Variants in ACSM5 observed in about 807,000 individuals in gnomAD.
ACSM5 encodes the protein acyl-CoA synthetase medium chain family member 5, also known as acyl-coenzyme A synthetase ACSM5, mitochondrial.
ACSM5 carries 56 observed loss-of-function variants against 71.6 expected under a neutral mutation model. That is an observed-to-expected ratio of 0.78 (90% CI 0.63 to 0.98). ACSM5 has a LOEUF of 0.98. Ranked by LOEUF, ACSM5 falls within the 50% of genes least tolerant of loss-of-function variation. ACSM5 has a pLI of 0.00. For synonymous variants in ACSM5, 285 were observed against 281.5 expected, an observed-to-expected ratio of 1.01 and a Z score of -0.12; for missense variants, 723 against 726.0, an observed-to-expected ratio of 1.00 and a Z score of 0.05.
intron 13 of ACSM5, 33 bp from the exon 14 acceptor site, chr16:20,440,311 C>G: frequency 1.5e-6 from 2 of 1,331,646 alleles, no homozygotes; most frequent in East Asian, 2.3e-5. Flanking sequence ...ATGATGATTT[C>G]CAAGTGTTTT....
At chr16:20,435,966 T>C (rs72776695) in intron 10 of ACSM5, among the ~76,000 whole-genome samples, 12,723 of 149,984 alleles carry the variant, frequency 0.085, 661 homozygotes, top group East Asian at 0.19. Context: ...TTTCCTTCTT[T>C]CTTCCTTCCT....
intron 6 of ACSM5, among the ~76,000 whole-genome samples, chr16:20,426,074 G>A (rs1227385749): frequency 6.6e-6 from 1 of 152,150 alleles, no homozygotes; most frequent in Non-Finnish European, 1.5e-5. Flanking sequence ...CTTGTTCACT[G>A]CATCCATGCC....
chr16:20,413,673 C>A (rs1465292042), intron 2 of ACSM5, among the ~76,000 whole-genome samples: 1 of 152,204 alleles, frequency 6.6e-6, no homozygotes, highest in Non-Finnish European at 1.5e-5. Flanking sequence ...GAAATCAACA[C>A]ACCTAAGTAA....
At chr16:20,427,328 A>G (rs924259632) in intron 6 of ACSM5, among the ~76,000 whole-genome samples, 16 of 151,672 alleles carry the variant, frequency 1.1e-4, no homozygotes, top group African/African-American at 3.1e-4. Context: ...CAAAACAAAA[A>G]CCTCACTGGT....
Position 20,440,479 on chromosome 16 carries a change from A to G in ACSM5, c.*52A>G. On this transcript the variant is annotated 3_prime_UTR_variant, in exon 14 of 14. Transcript: ENST00000331849. ...CCTCCGAAGACTCCACAAGAAACTA[A>G]TGGATCACTGGTCAGTCCCCATGGG... The G allele has an allele frequency of 6.7e-7, 1 of 1,488,538 alleles. No homozygotes were observed. The highest frequency in any genetic ancestry group is 9.4e-7 in the Non-Finnish European group (1 of 1,065,298). 92.2% of individuals were successfully genotyped at this position (1,488,538 alleles called of 1,614,324 possible).
chr16:20,412,348 A>G (rs1567338826), intron 2 of ACSM5: 4 of 152,272 alleles, frequency 2.6e-5, no homozygotes, highest in Non-Finnish European at 5.9e-5. Flanking sequence ...GTGAGACTCC[A>G]CCTCAAAAAA....
At chr16:20,412,096 A>T in intron 2 of ACSM5, 1 of 198,750 alleles carries the variant, frequency 5.0e-6, no homozygotes. Flanking sequence ...CCATAATCCC[A>T]GCACTTTGGG....
At position 20,409,578 on chromosome 16, in the gene ACSM5, A is replaced by C. The variant is rs1324152813; in HGVS notation, c.-103A>C. 1 of 152,248 alleles carries C rather than the reference A, an allele frequency of 6.6e-6. No individual in the cohort carries two copies. The highest frequency in any genetic ancestry group is 1.5e-5 in the Non-Finnish European group (1 of 68,124). 9.4% of individuals were successfully genotyped at this position (152,248 alleles called of 1,614,324 possible). On this transcript the variant is annotated 5_prime_UTR_variant, in exon 1 of 14. Transcript: ENST00000331849. ...CCTGTGGGAGGCTGTTTTCTGAGGG[A>C]GCTGAGTGTTTACAGCCACTCAGCC...
rs1966929198 is a variant in ACSM5 at position 20,424,021 on chromosome 16, C to T, written c.873C>T (p.Cys291=). 1 of 1,614,144 alleles carries T rather than the reference C, an allele frequency of 6.2e-7. No homozygotes were observed. The highest frequency in any genetic ancestry group is 1.6e-4 in the Middle Eastern group (1 of 6,062). The change falls in exon 6 of 14, where the codon TGC becomes TGT. Residue 291 remains cysteine (C), a synonymous_variant. Coordinates refer to ENST00000331849, the MANE Select transcript of ACSM5 (RefSeq NM_017888.3). ...TLFSAWPNGS[C]IFVHELPRVD... is the part of the protein sequence containing the mutation. ...TCTCTGCCTGGCCTAATGGATCTTG[C>T]ATTTTTGTGCATGAGCTGCCCCGAG...
At chr16:20,414,624 A>G (rs1966853236) in intron 2 of ACSM5, among the ~76,000 whole-genome samples, 1 of 152,224 alleles carries the variant, frequency 6.6e-6, no homozygotes, top group South Asian at 2.1e-4. Context: ...GCAGCAATAG[A>G]TGGGATTATT....
rs1254938215 is a variant in ACSM5, at chr16:20,420,299, T to G, written c.623+864T>G. 2.0e-5 allele frequency among the ~76,000 whole-genome samples: 3 copies of G among 152,258 alleles called. No homozygotes were observed. The East Asian group carries it at 5.8e-4, about 29-fold the overall frequency. On this transcript the variant is annotated intron_variant, in intron 4 of 13. Transcript: ENST00000331849. Reference sequence around the variant, plus strand: ...TGAGCAAGAGCCCTGGGGATCTTTTTTAAAAAAATCAGCCCATAGGGCCAG... The same window carrying G: ...TGAGCAAGAGCCCTGGGGATCTTTTGTAAAAAAATCAGCCCATAGGGCCAG...
At chr16:20,430,809 AAAAG>A (rs1048753979) in intron 8 of ACSM5, among the ~76,000 whole-genome samples, 180 bp from the exon 9 acceptor site, 102 of 151,844 alleles carry the variant, frequency 6.7e-4, no homozygotes, top group African/African-American at 2.4e-3. Context: ...AAGAAAAAAG[AAAAG>A]AAAGAAGGGA....
At chr16:20,420,587 C>A (rs576948801) in intron 4 of ACSM5, among the ~76,000 whole-genome samples, 1 of 151,958 alleles carries the variant, frequency 6.6e-6, no homozygotes, top group Non-Finnish European at 1.5e-5. Context: ...GCAACAAAAG[C>A]GAAACACCAT....
At chr16:20,436,061 T>C (rs67450218) in intron 10 of ACSM5, among the ~76,000 whole-genome samples, 62,121 of 144,938 alleles carry the variant, frequency 0.43, 14,546 homozygotes, top group East Asian at 0.76. Context: ...CTTTCTCTTT[T>C]CCTTCATTCC....
chr16:20,440,470 A>G lies in ACSM5; in HGVS notation c.*43A>G, dbSNP rs756349944. ...CCCCGTAGACCTCCGAAGACTCCAC[A>G]AGAAACTAATGGATCACTGGTCAGT... On this transcript the variant is annotated 3_prime_UTR_variant, in exon 14 of 14. Coordinates refer to ENST00000331849, the MANE Select transcript of ACSM5 (RefSeq NM_017888.3). The G allele has an allele frequency of 2.7e-5, 42 of 1,539,058 alleles. No homozygotes were observed. The highest frequency in any genetic ancestry group is 6.7e-5 in the Admixed American group (4 of 59,828).
In ACSM5 at chr16:20,432,312, G is replaced by A. The variant is rs1967114384; in HGVS notation, c.1308+991G>A. 3.3e-5 allele frequency among the ~76,000 whole-genome samples: 5 copies of A among 152,162 alleles called. No homozygotes were observed. The South Asian group carries it at 1.0e-3, about 32-fold the overall frequency. On this transcript the variant is annotated intron_variant, in intron 10 of 13. Transcript: ENST00000331849. ...CAGGCGATTCGAATGTCAAGCCTGA[G>A]AGCCACTGCTTAATAGAAATGCCAT...
At chr16:20,429,319 T>C (rs767490715) in intron 7 of ACSM5, among the ~76,000 whole-genome samples, 17 of 152,006 alleles carry the variant, frequency 1.1e-4, no homozygotes, top group Non-Finnish European at 2.1e-4. Flanking sequence ...GGCCTATCTT[T>C]TCAATTTCTA....
intron 12 of ACSM5, among the ~76,000 whole-genome samples, chr16:20,438,500 A>G (rs1454557188): frequency 5.3e-5 from 8 of 151,414 alleles, no homozygotes; most frequent in Non-Finnish European, 1.0e-4. Context: ...ATTAATGTAT[A>G]ATAAGGGAGG....
intron 10 of ACSM5, among the ~76,000 whole-genome samples, chr16:20,434,323 T>C (rs1967154140): frequency 6.6e-6 from 1 of 152,230 alleles, no homozygotes; most frequent in Non-Finnish European, 1.5e-5. Context: ...TTTTATTTTT[T>C]TCTATATGAA....
Sources: allele counts gnomAD v4.1 joint callset (sites outside exome capture counted in the v4.1 genomes callset), GRCh38; gene constraint gnomAD v4.1.1; transcripts MANE v1.5; gene names NCBI Gene and HGNC (gene_info 2026-07-23, HGNC 2026-07-21).